Variants in DGKI observed in about 807,000 individuals in gnomAD.
DGKI encodes DAG kinase iota.
In DGKI, 55 loss-of-function variants were observed where a neutral mutation model predicts 147.5. The observed-to-expected ratio is 0.37, with a 90% CI of 0.30 to 0.47. DGKI has a LOEUF of 0.47. Ranked by LOEUF, DGKI falls within the 20% of genes least tolerant of loss-of-function variation. The pLI is 1.00. For synonymous variants in DGKI, 469 were observed against 477.1 expected, an observed-to-expected ratio of 0.98 and a Z score of 0.22; for missense variants, 1,007 against 1,323.8, an observed-to-expected ratio of 0.76 and a Z score of 3.71.
intron 12 of DGKI, among the ~76,000 whole-genome samples, chr7:137,587,593 T>A (rs1296066731): frequency 1.3e-5 from 2 of 152,206 alleles, no homozygotes; most frequent in African/African-American, 4.8e-5. Flanking sequence ...TGCATAACCT[T>A]GACTAAATTA....
intron 28 of DGKI, among the ~76,000 whole-genome samples, chr7:137,443,245 A>G (rs1165300517): frequency 6.6e-6 from 1 of 152,200 alleles, no homozygotes; most frequent in African/African-American, 2.4e-5. Context: ...GGTCGGCTGG[A>G]AAGATTTCAT....
chr7:137,587,993 G>A (rs1819467902), intron 12 of DGKI, among the ~76,000 whole-genome samples: 1 of 152,124 alleles, frequency 6.6e-6, no homozygotes, highest in African/African-American at 2.4e-5. Context: ...TGGCAAAAAG[G>A]AGTTTGAATG....
intron 3 of DGKI, among the ~76,000 whole-genome samples, chr7:137,661,639 G>A (rs1254141810): frequency 6.6e-6 from 1 of 152,064 alleles, no homozygotes; most frequent in East Asian, 1.9e-4. Flanking sequence ...ACTAGAAACC[G>A]AGGGAAGGCT....
intron 28 of DGKI, among the ~76,000 whole-genome samples, chr7:137,433,833 A>C (rs893018576): frequency 1.1e-4 from 16 of 152,194 alleles, no homozygotes; most frequent in African/African-American, 3.6e-4. Context: ...AAAGTAAACT[A>C]GGGGCCGGGC....
chr7:137,497,404 C>T (rs560212648), intron 21 of DGKI, among the ~76,000 whole-genome samples: 2 of 152,124 alleles, frequency 1.3e-5, no homozygotes, highest in South Asian at 2.1e-4. Flanking sequence ...AGAACTCAAA[C>T]AGAATTAGCA....
At chr7:137,559,495 AAAAG>A (rs769975418) in intron 19 of DGKI, among the ~76,000 whole-genome samples, 32 of 152,162 alleles carry the variant, frequency 2.1e-4, no homozygotes, top group Non-Finnish European at 4.0e-4. Context: ...TAGAGAGTGA[AAAAG>A]AAAGAACTGC....
chr7:137,439,434 G>A (rs1276914198), intron 28 of DGKI, among the ~76,000 whole-genome samples: 1 of 152,204 alleles, frequency 6.6e-6, no homozygotes, highest in Non-Finnish European at 1.5e-5. Flanking sequence ...ACAAAGGGAT[G>A]TCTTACATGG....
chr7:137,469,735 A>ATT, intron 23 of DGKI, 116 bp from the exon 24 acceptor site: 2 of 772,362 alleles, frequency 2.6e-6, no homozygotes, highest in South Asian at 3.6e-5. Flanking sequence ...AGCAAATCAC[A>ATT]TTTTTTTTTC....
At chr7:137,434,614 C>T (rs189157594) in intron 28 of DGKI, among the ~76,000 whole-genome samples, 1 of 151,810 alleles carries the variant, frequency 6.6e-6, no homozygotes, top group East Asian at 1.9e-4. Context: ...AAAGAGTATT[C>T]CCTCATCTTC....
chr7:137,529,133 A>T (rs180987017), intron 20 of DGKI, among the ~76,000 whole-genome samples: 25 of 152,310 alleles, frequency 1.6e-4, no homozygotes, highest in Middle Eastern at 3.4e-3. Flanking sequence ...TCAAAGTCAC[A>T]TTGTAATTAA....
At chr7:137,784,484 C>G (rs1796608295) in intron 1 of DGKI, among the ~76,000 whole-genome samples, 1 of 152,020 alleles carries the variant, frequency 6.6e-6, no homozygotes, top group African/African-American at 2.4e-5. Context: ...ACAATTACTA[C>G]TAGACCTAAG....
chr7:137,746,491 CT>C (rs894874494), intron 1 of DGKI, among the ~76,000 whole-genome samples: 25 of 152,194 alleles, frequency 1.6e-4, no homozygotes, highest in African/African-American at 5.8e-4. Flanking sequence ...ACTGTGAAAT[CT>C]CTTCTGGAGG....
At chr7:137,621,144 C>T (rs538488981) in intron 7 of DGKI, among the ~76,000 whole-genome samples, 16 of 152,290 alleles carry the variant, frequency 1.1e-4, no homozygotes, top group South Asian at 4.1e-4. Flanking sequence ...ATTAATCAAG[C>T]AATTGTATAT....
At chr7:137,714,339 T>G (rs1794312352) in intron 1 of DGKI, among the ~76,000 whole-genome samples, 1 of 152,260 alleles carries the variant, frequency 6.6e-6, no homozygotes, top group Admixed American at 6.5e-5. Flanking sequence ...ATACATACTT[T>G]AAACAATTCT....
At chr7:137,468,702 T>C (rs1814756465) in intron 24 of DGKI, among the ~76,000 whole-genome samples, 1 of 152,200 alleles carries the variant, frequency 6.6e-6, no homozygotes, top group Admixed American at 6.5e-5. Flanking sequence ...TACATTGCAG[T>C]CATGCTAGGC....
chr7:137,818,513 G>A (rs776865776), intron 1 of DGKI, among the ~76,000 whole-genome samples: 2 of 152,016 alleles, frequency 1.3e-5, no homozygotes, highest in Non-Finnish European at 2.9e-5. Context: ...TGCAACCTCC[G>A]ACTCCCAGGT....
rs151036978 is a variant in DGKI, at chr7:137,726,022, G to T, written c.402-36020C>A. Among the ~76,000 whole-genome samples, 799 of 152,246 alleles carry T rather than the reference G, an allele frequency of 5.2e-3. 6 individuals are homozygous for T. The highest frequency in any genetic ancestry group is 0.018 in the African/African-American group (757 of 41,540). On this transcript the variant is annotated intron_variant, in intron 1 of 32. Coordinates refer to ENST00000614521, the MANE Select transcript of DGKI (RefSeq NM_001321708.2). Reference sequence around the variant, plus strand: ...AATGTCAGCTATTTTAACATGCCTTGTCTGGGGACCAAGAGACTCTTTTAA... The same window carrying T: ...AATGTCAGCTATTTTAACATGCCTTTTCTGGGGACCAAGAGACTCTTTTAA...
chr7:137,391,234 C>T lies in DGKI; in HGVS notation c.3160G>A (p.Glu1054Lys), dbSNP rs1811351090. 6.2e-7 allele frequency: 1 copy of T among 1,613,738 alleles called. No individual in the cohort carries two copies. The highest frequency in any genetic ancestry group is 1.7e-5 in the Admixed American group (1 of 59,984). Residue 1054 changes from glutamate (E) to lysine (K), a missense_variant, in exon 33 of 33, where the codon GAA becomes AAA. Physicochemically the swap from Glu to Lys is moderately conservative, Grantham distance 56. Around this residue, in one of 5 missense-constraint regions of DGKI, gnomAD observed 385 missense variants for 445.2 expected, o/e 0.86. Transcript: ENST00000614521. Reference sequence around the variant, plus strand: ...GAATACCAGGGTCAAACAGCAGTTTCCAGGTCCTCATGGCCAATGACCTTA... The same window carrying T: ...GAATACCAGGGTCAAACAGCAGTTTTCAGGTCCTCATGGCCAATGACCTTA... ...NYKVIGHEDL[E>K]TAV
At chr7:137,772,474 A>C (rs973339369) in intron 1 of DGKI, among the ~76,000 whole-genome samples, 14 of 152,248 alleles carry the variant, frequency 9.2e-5, no homozygotes, top group Non-Finnish European at 8.8e-5. Context: ...GGGAGGTATC[A>C]AAAAAACATT....
Sources: allele counts gnomAD v4.1 joint callset (sites outside exome capture counted in the v4.1 genomes callset), GRCh38; gene constraint gnomAD v4.1.1; regional missense constraint gnomAD v4.1.1; transcripts MANE v1.5; gene names NCBI Gene and HGNC (gene_info 2026-07-23, HGNC 2026-07-21).